SLC25A48: variants seen among roughly 807,000 people sequenced by gnomAD.
SLC25A48 encodes solute carrier family 25 member 48.
Under a neutral mutation model 32.2 loss-of-function variants are expected in SLC25A48, and 29 were observed. The ratio of observed to expected loss-of-function variants is 0.90; its 90% CI spans 0.67 to 1.23. SLC25A48 has a LOEUF of 1.23. Ranked by LOEUF, SLC25A48 falls within the 50% of genes most tolerant of loss-of-function variation. The pLI, the probability that SLC25A48 is intolerant of heterozygous loss-of-function variation, is 0.00. For missense variants in SLC25A48, 399 were observed against 422.7 expected (o/e 0.94, Z 0.49); for synonymous variants, 164 against 172.3 (o/e 0.95, Z 0.38).
At chr5:135,758,829 T>A (rs963118748) in intron 3 of SLC25A48, among the ~76,000 whole-genome samples, 1 of 150,742 alleles carries the variant, frequency 6.6e-6, no homozygotes, top group African/African-American at 2.4e-5. Flanking sequence ...CACTATGATA[T>A]TAATAGAATA....
chr5:135,597,095 C>A (rs72787171), intron 1 of SLC25A48, among the ~76,000 whole-genome samples: 12,490 of 152,294 alleles, frequency 0.082, 522 homozygotes, highest in South Asian at 0.15. Context: ...GACAGAGAGT[C>A]AGTGACTTGC....
chr5:135,887,315 C>G (rs905003147), intron 7 of SLC25A48, among the ~76,000 whole-genome samples: 1 of 152,062 alleles, frequency 6.6e-6, no homozygotes, highest in African/African-American at 2.4e-5. Flanking sequence ...TGCATTATAG[C>G]CTTTGGGAAA....
At chr5:135,678,441 T>A (rs1237905287) in intron 3 of SLC25A48, among the ~76,000 whole-genome samples, 1 of 152,232 alleles carries the variant, frequency 6.6e-6, no homozygotes, top group South Asian at 2.1e-4. Context: ...CTTTTTCTGA[T>A]TTATTTGTAT....
At chr5:135,744,296 C>G (rs1755582988) in intron 3 of SLC25A48, among the ~76,000 whole-genome samples, 1 of 152,172 alleles carries the variant, frequency 6.6e-6, no homozygotes, top group Non-Finnish European at 1.5e-5. Flanking sequence ...TAAACCTCCA[C>G]TGGTAGAGAT....
intron 3 of SLC25A48, among the ~76,000 whole-genome samples, chr5:135,718,885 T>A (rs1158407029): frequency 6.6e-6 from 1 of 152,244 alleles, no homozygotes; most frequent in Non-Finnish European, 1.5e-5. Flanking sequence ...AGGGGGGCCC[T>A]GTGGCTTTGG....
intron 3 of SLC25A48, among the ~76,000 whole-genome samples, chr5:135,785,992 C>A (rs35707438): frequency 4.0e-5 from 6 of 151,424 alleles, no homozygotes; most frequent in Non-Finnish European, 5.9e-5. Context: ...TGAAACACGC[C>A]CCTTGCTCCA....
At chr5:135,670,629 T>A (rs1464435176) in intron 3 of SLC25A48, among the ~76,000 whole-genome samples, 2 of 152,244 alleles carry the variant, frequency 1.3e-5, no homozygotes, top group African/African-American at 4.8e-5. Flanking sequence ...ATAGTGCATG[T>A]TCAGTGCTTT....
chr5:135,763,633 A>G (rs1016892164), intron 3 of SLC25A48, among the ~76,000 whole-genome samples: 9 of 152,262 alleles, frequency 5.9e-5, no homozygotes, highest in Admixed American at 5.9e-4. Flanking sequence ...TCAAGCCAAC[A>G]GGTGTTCCAC....
chr5:135,635,375 A>AT (rs1561768373), intron 3 of SLC25A48, among the ~76,000 whole-genome samples: 2 of 152,230 alleles, frequency 1.3e-5, no homozygotes, highest in Admixed American at 1.3e-4. Flanking sequence ...TGCTAAGTCC[A>AT]TAATTAAACA....
At chr5:135,883,891 G>A (rs977317179) in intron 7 of SLC25A48, among the ~76,000 whole-genome samples, 2 of 152,158 alleles carry the variant, frequency 1.3e-5, no homozygotes, top group Non-Finnish European at 2.9e-5. Flanking sequence ...GCGTGGGGAG[G>A]CCATTGCTAT....
At chr5:135,791,915 A>T (rs888627110) in intron 3 of SLC25A48, among the ~76,000 whole-genome samples, 1 of 151,706 alleles carries the variant, frequency 6.6e-6, no homozygotes, top group Non-Finnish European at 1.5e-5. Context: ...AATATATGTA[A>T]TATCCTAAGA....
Position 135,852,801 on chromosome 5 carries a change from A to C in SLC25A48, c.401A>C (p.Gln134Pro). ...VDLIKIRLQM[Q>P]TQPFRDANLG... Reference sequence around the variant, plus strand: ...CTCATCAAGATCCGGTTGCAGATGCAGACACAACCGTTTCGGGACGGTAAG... The same window carrying C: ...CTCATCAAGATCCGGTTGCAGATGCCGACACAACCGTTTCGGGACGGTAAG... Residue 134 changes from glutamine to proline, a missense_variant, in exon 4 of 8, where the codon CAG becomes CCG. Transcript: ENST00000681962. 1 of 1,610,074 alleles carries C rather than the reference A, an allele frequency of 6.2e-7. No homozygotes were observed. The highest frequency in any genetic ancestry group is 8.5e-7 in the Non-Finnish European group (1 of 1,176,692).
Position 135,880,527 on chromosome 5 carries a change from C to G in SLC25A48, c.*7+430C>G, listed in dbSNP as rs148550427. Among the ~76,000 whole-genome samples the G allele has an allele frequency of 6.2e-3, 941 of 152,308 alleles. 5 individuals are homozygous for G. The highest frequency in any genetic ancestry group is 0.017 in the Middle Eastern group (5 of 294). On this transcript the variant is annotated intron_variant, in intron 7 of 7. Coordinates refer to ENST00000681962, the MANE Select transcript of SLC25A48 (RefSeq NM_001349336.2). ...ACAGCCTGACTCTGAGAGCCACCCA[C>G]AGGCTGCCAGAGCCCTAGAGGACAG...
At chr5:135,716,649 A>T (rs1422447076) in intron 3 of SLC25A48, among the ~76,000 whole-genome samples, 3 of 152,018 alleles carry the variant, frequency 2.0e-5, no homozygotes, top group Non-Finnish European at 2.9e-5. Context: ...TAAAGAAAGG[A>T]CTCTTGTCCA....
In SLC25A48 at chr5:135,809,511, A is replaced by G. The variant is rs532851667; in HGVS notation, c.-520-3012A>G. 3.9e-5 allele frequency among the ~76,000 whole-genome samples: 6 copies of G among 152,324 alleles called. No homozygotes were observed. In the South Asian group the frequency reaches 1.2e-3, roughly 32 times the overall value. On this transcript the variant is annotated intron_variant, in intron 3 of 10. Transcript: ENST00000646290. ...AGGTTTATTGAAGTATAATTGATGT[A>G]CAGTAAAATTTACTGTTTTTAGTGG... is the stretch of plus-strand genomic sequence containing the variant.
chr5:135,581,919 C>T (rs1256793209), intron 1 of SLC25A48, among the ~76,000 whole-genome samples: 2 of 152,222 alleles, frequency 1.3e-5, no homozygotes, highest in Admixed American at 6.5e-5. Context: ...CACAGACTGT[C>T]TAGTGAGCCC....
chr5:135,753,054 G>C (rs954031116), intron 3 of SLC25A48, among the ~76,000 whole-genome samples: 2 of 151,860 alleles, frequency 1.3e-5, no homozygotes, highest in Non-Finnish European at 1.5e-5. Context: ...TATCACTGGG[G>C]GTGTACGTAC....
intron 2 of SLC25A48, among the ~76,000 whole-genome samples, chr5:135,849,021 G>C (rs146721590): frequency 6.9e-4 from 105 of 152,300 alleles, no homozygotes; most frequent in Middle Eastern, 3.4e-3. Context: ...TTCCATACGA[G>C]TTGTGTACTT....
intron 1 of SLC25A48, among the ~76,000 whole-genome samples, chr5:135,583,465 A>G (rs1751280885): frequency 6.6e-6 from 1 of 151,650 alleles, no homozygotes; most frequent in Non-Finnish European, 1.5e-5. Flanking sequence ...TCTTTTCGTG[A>G]CTGACCTTCT....
Sources: allele counts gnomAD v4.1 joint callset (sites outside exome capture counted in the v4.1 genomes callset), GRCh38; gene constraint gnomAD v4.1.1; transcripts MANE v1.5; gene names NCBI Gene and HGNC (gene_info 2026-07-23, HGNC 2026-07-21).